MBTD1: variants seen among roughly 807,000 people sequenced by gnomAD.
MBTD1 encodes MBT domain-containing protein 1.
MBTD1 carries 24 observed loss-of-function variants against 87.8 expected under a neutral mutation model. That is an observed-to-expected ratio of 0.27 (90% confidence interval 0.20 to 0.38). MBTD1 has a LOEUF of 0.38. Among genes scored for constraint, MBTD1 ranks in the 10% least tolerant of loss-of-function variants. MBTD1 has a pLI of 1.00. For missense variants in MBTD1, 436 were observed against 760.2 expected, an observed-to-expected ratio of 0.57 and a Z score of 5.02; for synonymous variants, 237 against 248.6, an observed-to-expected ratio of 0.95 and a Z score of 0.44.
chr17:51,228,592 A>G (rs1330023373), intron 2 of MBTD1, among the ~76,000 whole-genome samples: 1 of 127,622 alleles, frequency 7.8e-6, no homozygotes, highest in African/African-American at 3.0e-5. Context: ...AGAAAATAGG[A>G]GACAATAAAA....
intron 2 of MBTD1, among the ~76,000 whole-genome samples, chr17:51,238,648 C>T (rs1325964137): frequency 6.6e-6 from 1 of 152,142 alleles, no homozygotes; most frequent in East Asian, 1.9e-4. Flanking sequence ...GCAACAGGCA[C>T]TTTCAACACT....
intron 16 of MBTD1, among the ~76,000 whole-genome samples, chr17:51,190,229 G>A (rs866021561): frequency 1.3e-5 from 2 of 152,106 alleles, no homozygotes; most frequent in Admixed American, 6.5e-5. Context: ...GGAAAAATCT[G>A]TTTCAGTTTT....
intron 7 of MBTD1, among the ~76,000 whole-genome samples, chr17:51,206,422 T>C (rs1405329824): frequency 6.6e-6 from 1 of 152,200 alleles, no homozygotes; most frequent in East Asian, 1.9e-4. Context: ...CCACTTTTTT[T>C]AGTACCTCAA....
intron 12 of MBTD1, among the ~76,000 whole-genome samples, chr17:51,196,176 T>C (rs1246931883): frequency 6.6e-6 from 1 of 151,400 alleles, no homozygotes; most frequent in East Asian, 1.9e-4. Flanking sequence ...CCTCCCAAAG[T>C]GTTGGGATTA....
intron 2 of MBTD1, among the ~76,000 whole-genome samples, chr17:51,231,808 A>AT (rs58688688): frequency 0.11 from 15,557 of 146,786 alleles, 1,599 homozygotes; most frequent in African/African-American, 0.27. Context: ...TTCTGAAGTG[A>AT]TTTTTTTTTT....
At chr17:51,216,221 C>T (rs984470147) in intron 6 of MBTD1, among the ~76,000 whole-genome samples, 1 of 152,080 alleles carries the variant, frequency 6.6e-6, no homozygotes, top group African/African-American at 2.4e-5. Context: ...CGTGAGCCAC[C>T]GTGCCCGGCC....
intron 2 of MBTD1, among the ~76,000 whole-genome samples, chr17:51,233,091 G>GGAGA (rs142757244): frequency 7.0e-6 from 1 of 143,816 alleles, no homozygotes; most frequent in Admixed American, 7.1e-5. Flanking sequence ...AAAAAGTGAG[G>GGAGA]GAGAGAGAGA....
intron 7 of MBTD1, among the ~76,000 whole-genome samples, chr17:51,206,276 T>C (rs999538105): frequency 6.6e-6 from 1 of 152,180 alleles, no homozygotes; most frequent in African/African-American, 2.4e-5. Context: ...CACTTTATTT[T>C]TATTTTTTTA....
chr17:51,194,413 T>C (rs935692668), intron 13 of MBTD1, among the ~76,000 whole-genome samples: 5 of 150,794 alleles, frequency 3.3e-5, no homozygotes, highest in African/African-American at 7.3e-5. Flanking sequence ...CTACTAAAAA[T>C]AGAAAAATCA....
Position 51,192,213 on chromosome 17 carries a change from T to TC in MBTD1, c.1757dup (p.His587ThrfsTer2). 1 of 1,550,932 alleles carries TC rather than the reference T, an allele frequency of 6.4e-7. No homozygotes were observed. The highest frequency in any genetic ancestry group is 8.7e-7 in the Non-Finnish European group (1 of 1,146,516). ...CACGTGGTGACCCACTTTTCTTATG[T>TC]CCTTTGTATTGCTGGGACTTAGCCT... On this transcript the variant is annotated frameshift_variant, in exon 16 of 17. Transcript: ENST00000586178. LOFTEE classifies it high-confidence loss of function.
chr17:51,203,491 T>C (rs2051615580), intron 8 of MBTD1, among the ~76,000 whole-genome samples: 2 of 152,168 alleles, frequency 1.3e-5, no homozygotes, highest in Non-Finnish European at 2.9e-5. Context: ...CTTGGCTCAC[T>C]GCAACCTCCA....
At chr17:51,204,541 C>T (rs897077480) in intron 7 of MBTD1, among the ~76,000 whole-genome samples, 1 of 119,602 alleles carries the variant, frequency 8.4e-6, no homozygotes, top group Non-Finnish European at 1.9e-5. Context: ...CTTGCTCTAT[C>T]GCCCAGGCTG....
intron 6 of MBTD1, among the ~76,000 whole-genome samples, chr17:51,208,755 A>G (rs1462907979): frequency 6.6e-6 from 1 of 152,232 alleles, no homozygotes; most frequent in East Asian, 1.9e-4. Context: ...TTTGGCATAC[A>G]GTACTCCTTT....
At chr17:51,251,908 G>T (rs904232073) in intron 2 of MBTD1, among the ~76,000 whole-genome samples, 7 of 152,258 alleles carry the variant, frequency 4.6e-5, no homozygotes, top group African/African-American at 1.4e-4. Context: ...TGGGATTACA[G>T]TGTGTGCCAC....
rs1471230200 is a variant in MBTD1 at position 51,179,518 on chromosome 17, A to G, written c.*1058T>C. On this transcript the variant is annotated 3_prime_UTR_variant, in exon 17 of 17. Coordinates refer to ENST00000586178, the MANE Select transcript of MBTD1 (RefSeq NM_017643.3). The stretch of plus-strand genomic sequence containing the variant: ...TATATATATATATATATATATATAT[A>G]TATATATATATATATATATGGAATT... The G allele has an allele frequency of 9.9e-6, 1 of 100,628 alleles. No homozygotes were observed. The highest frequency in any genetic ancestry group is 2.9e-4 in the South Asian group (1 of 3,440). 6.2% of individuals were successfully genotyped at this position (100,628 alleles called of 1,614,324 possible). A position where few individuals can be genotyped will look rare whatever the true frequency, so the allele number is the denominator to read the frequency against.
intron 13 of MBTD1, among the ~76,000 whole-genome samples, chr17:51,194,892 T>C (rs370359303): frequency 1.3e-5 from 2 of 151,946 alleles, no homozygotes; most frequent in Non-Finnish European, 2.9e-5. Context: ...CCTGTCTTTA[T>C]TGGGAAAAAA....
intron 16 of MBTD1, among the ~76,000 whole-genome samples, chr17:51,190,599 G>A (rs2050744990): frequency 6.7e-6 from 1 of 150,290 alleles, no homozygotes; most frequent in Non-Finnish European, 1.5e-5. Flanking sequence ...GTATACTCCT[G>A]TAGTCCCAGC....
intron 16 of MBTD1, among the ~76,000 whole-genome samples, chr17:51,181,104 C>G (rs996667751): frequency 3.3e-5 from 5 of 151,556 alleles, no homozygotes; most frequent in African/African-American, 9.7e-5. Flanking sequence ...TTACTGCAAC[C>G]TCCGCTTCCC....
Position 51,215,927 on chromosome 17 carries a change from A to T in MBTD1, c.486+1407T>A, listed in dbSNP as rs1222960644. On this transcript the variant is annotated intron_variant, in intron 6 of 16. Transcript: ENST00000586178. ...GCTGTTATCTAAAAATAAAGCCCTA[A>T]TTTTTTTTTTTTTTTTTTTTTTGAG... 7.9e-5 allele frequency among the ~76,000 whole-genome samples: 9 copies of T among 114,204 alleles called. No homozygotes were observed. In the South Asian group the frequency reaches 1.9e-3, roughly 24 times the overall value. The allele number at this position is 114,204 out of a possible 152,430, so 74.9% of individuals were successfully genotyped here.
Sources: allele counts gnomAD v4.1 joint callset (sites outside exome capture counted in the v4.1 genomes callset), GRCh38; gene constraint gnomAD v4.1.1; transcripts MANE v1.5; gene names NCBI Gene and HGNC (gene_info 2026-07-23, HGNC 2026-07-21).